HIVEP1: variants seen among roughly 807,000 people sequenced by gnomAD.
The protein encoded by HIVEP1 is HIVEP zinc finger 1.
In HIVEP1, 36 loss-of-function variants were observed where a neutral mutation model predicts 180.0. The ratio of observed to expected loss-of-function variants is 0.20; its 90% CI spans 0.15 to 0.26. HIVEP1 has a LOEUF of 0.26. Among genes scored for constraint, HIVEP1 ranks in the 10% least tolerant of loss-of-function variants. The pLI is 1.00. For synonymous variants in HIVEP1, 1,239 were observed against 1,239.0 expected, an observed-to-expected ratio of 1.00 and a Z score of 0.00; for missense variants, 3,143 against 3,268.7, an observed-to-expected ratio of 0.96 and a Z score of 0.94.
chr6:12,044,230 T>C (rs1435447646), intron 2 of HIVEP1, among the ~76,000 whole-genome samples: 3 of 152,176 alleles, frequency 2.0e-5, no homozygotes, highest in African/African-American at 4.8e-5. Flanking sequence ...TAATCAATTA[T>C]TGGGTTCTGT....
chr6:12,137,993 G>C (rs115229477), intron 7 of HIVEP1, among the ~76,000 whole-genome samples: 1,763 of 152,210 alleles, frequency 0.012, 32 homozygotes, highest in African/African-American at 0.04. Flanking sequence ...TTAAAAACCA[G>C]CTCAGCAAGG....
chr6:12,075,517 A>T (rs891102479), intron 2 of HIVEP1, among the ~76,000 whole-genome samples: 2 of 151,196 alleles, frequency 1.3e-5, no homozygotes, highest in Non-Finnish European at 2.9e-5. Flanking sequence ...TTTCTTGTTT[A>T]TTATTACTAA....
In HIVEP1 at chr6:12,124,537, T is replaced by C; in HGVS notation, c.4742T>C (p.Leu1581Ser). ...TGCTCTTCTAATCCTGTGCATTCTT[T>C]GCCAAATCAAGTTATTTCAGATCCA... ...PSCSSNPVHS[L>S]PNQVISDPVG... Residue 1581 changes from leucine (L) to serine (S), a missense_variant, in exon 4 of 9, where the codon TTG (leucine) becomes TCG (serine). By Grantham distance (145) the Leu-to-Ser change is moderately radical. Around this residue, in one of 12 missense-constraint regions of HIVEP1, gnomAD observed 1,357 missense variants for 1,260.5 expected, o/e 1.08. Transcript: ENST00000379388. 6.2e-7 allele frequency: 1 copy of C among 1,614,180 alleles called. No homozygotes were observed. Among genetic ancestry groups the C allele is most frequent in the Non-Finnish European group, 8.5e-7 (1 of 1,180,020 alleles).
At position 12,124,393 on chromosome 6, in the gene HIVEP1, T is replaced by A. The variant is rs367884178; in HGVS notation, c.4598T>A (p.Val1533Glu). The A allele has an allele frequency of 1.3e-5, 21 of 1,614,008 alleles. No individual in the cohort carries two copies. The highest frequency in any genetic ancestry group is 1.6e-5 in the Non-Finnish European group (19 of 1,179,994). The change falls in exon 4 of 9, where the codon GTG (valine) becomes GAG (glutamate). Residue 1533 changes from valine (V) to glutamate (E), a missense_variant. Coordinates refer to ENST00000379388, the MANE Select transcript of HIVEP1 (RefSeq NM_002114.4). Reference protein sequence around the residue: ...SHQSTQLSLQVSTQGSKPDKN... With the variant: ...SHQSTQLSLQESTQGSKPDKN... ...CAGAGCACACAGCTATCTCTGCAAGTGTCTACGCAGGGTAGCAAGCCAGAT... is the reference window on the plus strand; with the variant it reads ...CAGAGCACACAGCTATCTCTGCAAGAGTCTACGCAGGGTAGCAAGCCAGAT...
chr6:12,091,226 C>A (rs1007558715), intron 3 of HIVEP1, among the ~76,000 whole-genome samples: 3 of 152,060 alleles, frequency 2.0e-5, no homozygotes, highest in Non-Finnish European at 4.4e-5. Flanking sequence ...AAAGAATATA[C>A]TTTAAAAATA....
chr6:12,179,235 A>G, the HIVEP1 span, among the ~76,000 whole-genome samples: 1 of 152,194 alleles, frequency 6.6e-6, no homozygotes, highest in Non-Finnish European at 1.5e-5. Flanking sequence ...ACAGATTAAT[A>G]TATAGATAGG....
intron 2 of HIVEP1, among the ~76,000 whole-genome samples, chr6:12,062,471 A>G (rs547856166): frequency 5.8e-4 from 89 of 152,302 alleles, no homozygotes; most frequent in African/African-American, 2.0e-3. Context: ...TAATTTTTAA[A>G]TTAATTCTAA....
At chr6:12,032,140 T>G in intron 2 of HIVEP1, among the ~76,000 whole-genome samples, 1 of 122,866 alleles carries the variant, frequency 8.1e-6, no homozygotes, top group Admixed American at 7.7e-5. Flanking sequence ...ACTGATAACC[T>G]TTTTTTTTTT....
In HIVEP1 at chr6:12,163,889, C is replaced by G. The variant is rs373612619; in HGVS notation, c.7585C>G (p.Pro2529Ala). 5 of 1,614,136 alleles carry G rather than the reference C, an allele frequency of 3.1e-6. No individual in the cohort carries two copies. The highest frequency in any genetic ancestry group is 4.2e-6 in the Non-Finnish European group (5 of 1,180,038). The change falls in exon 9 of 9, where the codon CCT becomes GCT. Residue 2529 changes from proline (P) to alanine (A), a missense_variant. By Grantham distance (27) the Pro-to-Ala change is conservative (BLOSUM62 -1). Transcript: ENST00000379388. ...CGGACTGCAGGTTCTGACTGCAAAC[C>G]CTTCATCACAAAGCAGCCCCGCCCC... ...AVGLQVLTAN[P>A]SSQSSPAPQA...
chr6:12,097,615 C>T (rs1212372620), intron 3 of HIVEP1, among the ~76,000 whole-genome samples: 1 of 151,984 alleles, frequency 6.6e-6, no homozygotes, highest in Admixed American at 6.6e-5. Context: ...ATGCTGTGAG[C>T]TTGAATTACT....
chr6:12,161,796 C>G lies in HIVEP1; in HGVS notation c.6845C>G (p.Ala2282Gly). The stretch of plus-strand genomic sequence containing the variant: ...CCGGGGAAGGCCAGGCAGCGTGCTG[C>G]GAGAGATGAAAACGACACAATTCCG... Reference protein sequence around the residue: ...LSPGKARQRAARDENDTIPSV... With the variant: ...LSPGKARQRAGRDENDTIPSV... Residue 2282 changes from alanine (A) to glycine (G), a missense_variant, in exon 8 of 9, where the codon GCG becomes GGG. Coordinates refer to ENST00000379388, the MANE Select transcript of HIVEP1 (RefSeq NM_002114.4). 1.2e-6 allele frequency: 2 copies of G among 1,614,142 alleles called. No individual in the cohort carries two copies. Among genetic ancestry groups the G allele is most frequent in the Non-Finnish European group, 8.5e-7 (1 of 1,180,020 alleles).
At chr6:12,055,441 C>T (rs1019102373) in intron 2 of HIVEP1, among the ~76,000 whole-genome samples, 9 of 151,934 alleles carry the variant, frequency 5.9e-5, no homozygotes, top group Admixed American at 2.0e-4. Context: ...CACTGCACTC[C>T]AGCCTGGCAA....
rs1757983290 is a variant in HIVEP1 at position 12,125,199 on chromosome 6, G to T, written c.5404G>T (p.Val1802Phe). The T allele has an allele frequency of 2.5e-6, 4 of 1,614,120 alleles. No homozygotes were observed. The highest frequency in any genetic ancestry group is 3.4e-6 in the Non-Finnish European group (4 of 1,180,022). ...KQKKPILVRQ[V>F]CTTEPLDGVM... ...GAAGAAGCCTATTTTAGTGAGACAG[G>T]TTTGTACTACAGAGCCCCTGGACGG... is the stretch of plus-strand genomic sequence containing the variant. The change falls in exon 4 of 9, where the codon GTT (valine) becomes TTT (phenylalanine). Residue 1802 changes from valine (V) to phenylalanine (F), a missense_variant. Coordinates refer to ENST00000379388, the MANE Select transcript of HIVEP1 (RefSeq NM_002114.4).
the HIVEP1 span, among the ~76,000 whole-genome samples, chr6:12,204,783 G>A: frequency 6.6e-6 from 1 of 152,164 alleles, no homozygotes; most frequent in Non-Finnish European, 1.5e-5. Flanking sequence ...TGCATTACCT[G>A]TATTAAAACT....
At chr6:12,078,213 A>G (rs557621602) in intron 2 of HIVEP1, among the ~76,000 whole-genome samples, 53 of 152,266 alleles carry the variant, frequency 3.5e-4, no homozygotes, top group African/African-American at 1.3e-3. Flanking sequence ...TAATAGCTAA[A>G]AAACATAGTC....
chr6:12,042,072 CTT>C (rs551684741), intron 2 of HIVEP1, among the ~76,000 whole-genome samples: 14 of 128,136 alleles, frequency 1.1e-4, no homozygotes, highest in African/African-American at 3.0e-4. Context: ...TATTCGTACG[CTT>C]TTTTTTTTTT....
At position 12,124,141 on chromosome 6, in the gene HIVEP1, C is replaced by T. The variant is rs1038493972; in HGVS notation, c.4346C>T (p.Thr1449Ile). Residue 1449 changes from threonine to isoleucine, a missense_variant, in exon 4 of 9, where the codon ACA (threonine) becomes ATA (isoleucine). By Grantham distance (89) the Thr-to-Ile change is moderately conservative. Transcript: ENST00000379388. Reference sequence around the variant, plus strand: ...AGTCATCTGTCTCCTGTACACCCAACATCTTTCCAAAATACTGCTCTTCCC... The same window carrying T: ...AGTCATCTGTCTCCTGTACACCCAATATCTTTCCAAAATACTGCTCTTCCC... The part of the protein sequence containing the change: ...PDSHLSPVHP[T>I]SFQNTALPSV... The T allele has an allele frequency of 1.2e-5, 20 of 1,614,050 alleles. No individual in the cohort carries two copies. Among genetic ancestry groups the T allele is most frequent in the Non-Finnish European group, 1.7e-5 (20 of 1,180,038 alleles).
intron 1 of HIVEP1, among the ~76,000 whole-genome samples, chr6:12,015,081 A>G (rs1453132924): frequency 6.6e-6 from 1 of 152,210 alleles, no homozygotes; most frequent in Non-Finnish European, 1.5e-5. Context: ...GTGTGGTCCT[A>G]CCATGAACCT....
intron 2 of HIVEP1, among the ~76,000 whole-genome samples, chr6:12,068,241 C>T (rs139577457): frequency 6.6e-6 from 1 of 152,222 alleles, no homozygotes; most frequent in Non-Finnish European, 1.5e-5. Flanking sequence ...CAGATGCACA[C>T]CACCATGCCC....
Sources: allele counts gnomAD v4.1 joint callset (sites outside exome capture counted in the v4.1 genomes callset), GRCh38; gene constraint gnomAD v4.1.1; regional missense constraint gnomAD v4.1.1; transcripts MANE v1.5; gene names NCBI Gene and HGNC (gene_info 2026-07-23, HGNC 2026-07-21).